The following FAM184A variants were observed in gnomAD, a reference collection of about 807,000 sequenced individuals.
FAM184A encodes protein FAM184A.
In FAM184A, 99 loss-of-function variants were observed where a neutral mutation model predicts 143.8. The observed-to-expected ratio is 0.69, with a 90% CI of 0.58 to 0.81. The LOEUF is 0.81. Among genes scored for constraint, FAM184A ranks in the 40% least tolerant of loss-of-function variants. The pLI is 0.00. For missense variants in FAM184A, 1,217 were observed against 1,310.5 expected (o/e 0.93, Z 1.10); for synonymous variants, 427 against 446.4 (o/e 0.96, Z 0.55).
At chr6:119,006,790 CTT>C (rs1248847309) in intron 6 of FAM184A, among the ~76,000 whole-genome samples, 182 bp from the exon 7 acceptor site, 3 of 152,082 alleles carry the variant, frequency 2.0e-5, no homozygotes, top group Admixed American at 1.3e-4. Context: ...TTTGAAAAGA[CTT>C]TCACATTTAA....
At chr6:119,046,840 A>G (rs76031058) in intron 1 of FAM184A, among the ~76,000 whole-genome samples, 2,488 of 152,282 alleles carry the variant, frequency 0.016, 28 homozygotes, top group South Asian at 0.027. Flanking sequence ...TATTTTTAAG[A>G]ATATCCTGCA....
intron 9 of FAM184A, among the ~76,000 whole-genome samples, chr6:118,991,630 C>T (rs2114612006): frequency 6.6e-6 from 1 of 151,328 alleles, no homozygotes; most frequent in African/African-American, 2.4e-5. Flanking sequence ...TAGTGAGGGA[C>T]AGTTAGCTGA....
At chr6:119,040,313 C>T (rs1430082490) in intron 1 of FAM184A, among the ~76,000 whole-genome samples, 1 of 152,184 alleles carries the variant, frequency 6.6e-6, no homozygotes, top group East Asian at 1.9e-4. Flanking sequence ...GTTGCCGTGA[C>T]TTGGATACCT....
At chr6:119,025,457 G>A (rs1227822592) in intron 1 of FAM184A, 1 of 518,746 alleles carries the variant, frequency 1.9e-6, no homozygotes, top group Non-Finnish European at 3.8e-6. Context: ...TTCAAATGCT[G>A]TAGTTTTACT....
At position 119,023,095 on chromosome 6, in the gene FAM184A, A is replaced by G. The variant is rs758731287; in HGVS notation, c.1015-15T>C. 55 of 1,612,778 alleles carry G rather than the reference A, an allele frequency of 3.4e-5. 1 individual carries two copies. In the South Asian group the frequency reaches 5.7e-4, roughly 17 times the overall value. ...TTTTGAAGAACCTAAGAAAGATTAA[A>G]TAGCCATTGTTAAAATGCAGGAATA... is the stretch of plus-strand genomic sequence containing the variant. On this transcript the variant is annotated splice_polypyrimidine_tract_variant and intron_variant, in intron 2 of 17. Transcript: ENST00000338891.
At chr6:119,061,531 C>CTTTTTTTTTTTTTTTTTT (rs977029986) in intron 1 of FAM184A, among the ~76,000 whole-genome samples, 3 of 58,530 alleles carry the variant, frequency 5.1e-5, no homozygotes, top group African/African-American at 7.4e-5. Context: ...AATTATTTTT[C>CTTTTTTTTTTTTTTTTTT]TTTTTTTTTT....
chr6:119,024,240 T>C lies in FAM184A; in HGVS notation c.733A>G (p.Ile245Val). 2.5e-6 allele frequency: 4 copies of C among 1,614,236 alleles called. No individual in the cohort carries two copies. Among genetic ancestry groups the C allele is most frequent in the Non-Finnish European group, 3.4e-6 (4 of 1,180,046 alleles). Reference protein sequence around the residue: ...EELRLERKKLIEDYEGKLNKA... With the variant: ...EELRLERKKLVEDYEGKLNKA... ...TTCAACTTGCCTTCATAATCCTCAA[T>C]TAGTTTCTTCCGTTCAAGTCTTAGC... The change falls in exon 2 of 18, where the codon ATT becomes GTT. Residue 245 changes from isoleucine (I) to valine (V), a missense_variant. Coordinates refer to ENST00000338891, the MANE Select transcript of FAM184A (RefSeq NM_024581.6).
At chr6:119,084,536 G>A (rs951790745) in intron 1 of FAM184A, among the ~76,000 whole-genome samples, 1 of 152,226 alleles carries the variant, frequency 6.6e-6, no homozygotes, top group Non-Finnish European at 1.5e-5. Flanking sequence ...TCATGGGCTG[G>A]CATCAAGTGC....
At chr6:119,058,479 A>C (rs568763218) in intron 1 of FAM184A, among the ~76,000 whole-genome samples, 3 of 152,262 alleles carry the variant, frequency 2.0e-5, no homozygotes, top group Admixed American at 2.0e-4. Flanking sequence ...ATGGGATTAC[A>C]GGTGTGAGCC....
At chr6:119,110,163 C>T (rs553115273) in intron 1 of FAM184A, among the ~76,000 whole-genome samples, 5 of 152,226 alleles carry the variant, frequency 3.3e-5, no homozygotes, top group Non-Finnish European at 4.4e-5. Flanking sequence ...CCCAGGGATC[C>T]TGGGGCACCT....
intron 14 of FAM184A, among the ~76,000 whole-genome samples, chr6:118,968,958 C>A (rs977893260): frequency 2.0e-5 from 3 of 152,174 alleles, no homozygotes; most frequent in Admixed American, 6.5e-5. Context: ...GGCTGTGTCT[C>A]ACCCAAATCT....
intron 1 of FAM184A, among the ~76,000 whole-genome samples, chr6:119,070,619 A>AT (rs1168961535): frequency 6.6e-6 from 1 of 152,012 alleles, no homozygotes; most frequent in African/African-American, 2.4e-5. Flanking sequence ...CTTTATTTTT[A>AT]TTTTTTAAAA....
At chr6:119,118,835 G>A (rs1789131077) in intron 1 of FAM184A, among the ~76,000 whole-genome samples, 1 of 152,160 alleles carries the variant, frequency 6.6e-6, no homozygotes, top group Non-Finnish European at 1.5e-5. Context: ...GATAACAGCA[G>A]TGTTCAGGGA....
At chr6:119,013,166 T>C (rs909048787) in intron 5 of FAM184A, among the ~76,000 whole-genome samples, 6 of 152,168 alleles carry the variant, frequency 3.9e-5, no homozygotes, top group African/African-American at 1.4e-4. Flanking sequence ...TATTCACCTA[T>C]AGGAAATTTC....
At chr6:119,022,882 A>T in intron 3 of FAM184A, 63 bp downstream of exon 3, 1 of 1,596,372 alleles carries the variant, frequency 6.3e-7, no homozygotes, top group Non-Finnish European at 8.6e-7. Flanking sequence ...GTCTCCAAAA[A>T]AATAAATAAA....
chr6:119,098,326 G>A (rs1283316672), intron 1 of FAM184A, among the ~76,000 whole-genome samples: 1 of 152,126 alleles, frequency 6.6e-6, no homozygotes, highest in East Asian at 1.9e-4. Flanking sequence ...TTATAAATTA[G>A]TCTCGAGTAT....
intron 9 of FAM184A, among the ~76,000 whole-genome samples, chr6:118,986,786 GTTC>G (rs1173137619): frequency 1.3e-5 from 2 of 152,088 alleles, no homozygotes; most frequent in African/African-American, 4.8e-5. Flanking sequence ...TCCTATTTGG[GTTC>G]TTATTTCTAT....
At position 118,979,517 on chromosome 6, in the gene FAM184A, G is replaced by C; in HGVS notation, c.2303C>G (p.Ala768Gly). ...CTTCTGTTGTAAATGATTTTCAAGA[G>C]CCTAGAACAAGACAAATTCAAATTA... ...MEEEKEKEQR[A>G]LENHLQQKHS... The change falls in exon 11 of 18, where the codon GCT becomes GGT. Residue 768 changes from alanine to glycine, a missense_variant and splice_region_variant. Ala to Gly is a moderately conservative substitution (Grantham distance 60). Coordinates refer to ENST00000338891, the MANE Select transcript of FAM184A (RefSeq NM_024581.6). 1 of 1,596,420 alleles carries C rather than the reference G, an allele frequency of 6.3e-7. No individual in the cohort carries two copies. The highest frequency in any genetic ancestry group is 8.5e-7 in the Non-Finnish European group (1 of 1,174,768).
chr6:118,966,990 C>G (rs1243824023), intron 14 of FAM184A, 38 bp from the exon 15 acceptor site: 57 of 975,376 alleles, frequency 5.8e-5, no homozygotes, highest in Non-Finnish European at 9.0e-5. Flanking sequence ...TGATATCACT[C>G]AGATACATTC....
Sources: allele counts gnomAD v4.1 joint callset (sites outside exome capture counted in the v4.1 genomes callset), GRCh38; gene constraint gnomAD v4.1.1; transcripts MANE v1.5; gene names NCBI Gene and HGNC (gene_info 2026-07-23, HGNC 2026-07-21).